MEX3C: variants seen among roughly 807,000 people sequenced by gnomAD.
MEX3C encodes the protein mex-3 RNA binding family member C.
MEX3C carries 15 observed loss-of-function variants against 35.5 expected under a neutral mutation model. The ratio of observed to expected loss-of-function variants is 0.42; its 90% CI spans 0.28 to 0.65. MEX3C has a LOEUF of 0.65. MEX3C is among the 30% of genes least tolerant of loss of function. The pLI is 0.20. For synonymous variants in MEX3C, 390 were observed against 352.8 expected (o/e 1.11, Z -1.18); for missense variants, 711 against 842.8 (o/e 0.84, Z 1.94).
At chr18:51,181,792 T>A (rs1441500394) in intron 1 of MEX3C, among the ~76,000 whole-genome samples, 5 of 152,246 alleles carry the variant, frequency 3.3e-5, no homozygotes, top group Non-Finnish European at 7.3e-5. Context: ...TTTCACTGTA[T>A]ATTCTTATTT....
Position 51,193,510 on chromosome 18 carries a change from T to A in MEX3C, c.754+3057A>T, listed in dbSNP as rs142392518. 46 of 152,334 alleles carry A rather than the reference T, an allele frequency of 3.0e-4. No homozygotes were observed. In the East Asian group the frequency reaches 8.1e-3, roughly 27 times the overall value. The allele number at this position is 152,334 out of a possible 1,614,324, so 9.4% of individuals were successfully genotyped here. ...TTAGACCTGTTAATCACTGTTAATATGTCTTGCAGGTACTATACTTAAAAA... is the reference window on the plus strand; with the variant it reads ...TTAGACCTGTTAATCACTGTTAATAAGTCTTGCAGGTACTATACTTAAAAA... On this transcript the variant is annotated intron_variant, in intron 1 of 1. Coordinates refer to ENST00000406189, the MANE Select transcript of MEX3C (RefSeq NM_016626.5).
chr18:51,181,535 T>C (rs1229682022), intron 1 of MEX3C, among the ~76,000 whole-genome samples: 1 of 152,210 alleles, frequency 6.6e-6, no homozygotes, highest in Admixed American at 6.5e-5. Context: ...AAAAGAACTC[T>C]CATATTTAGC....
At chr18:51,189,229 G>A (rs1912603949) in intron 1 of MEX3C, among the ~76,000 whole-genome samples, 2 of 152,156 alleles carry the variant, frequency 1.3e-5, no homozygotes, top group Admixed American at 6.5e-5. Context: ...GCAAAATTGA[G>A]AAGATTTTGC....
chr18:51,192,900 CTG>C (rs774439220), intron 1 of MEX3C: 7 of 152,146 alleles, frequency 4.6e-5, no homozygotes, highest in African/African-American at 7.2e-5. Context: ...GAAAAAGACA[CTG>C]TGCTGTAGCA....
intron 1 of MEX3C, among the ~76,000 whole-genome samples, chr18:51,182,144 T>C (rs1030114725): frequency 5.3e-5 from 8 of 152,238 alleles, no homozygotes; most frequent in Non-Finnish European, 8.8e-5. Context: ...TATTTTATTA[T>C]TGTTAATCTC....
chr18:51,193,025 T>C (rs992754627), intron 1 of MEX3C: 1 of 152,204 alleles, frequency 6.6e-6, no homozygotes, highest in Non-Finnish European at 1.5e-5. Flanking sequence ...GTATAAACCC[T>C]ATTTCAGTTG....
chr18:51,186,175 G>C (rs994378697), intron 1 of MEX3C, among the ~76,000 whole-genome samples: 10 of 152,138 alleles, frequency 6.6e-5, no homozygotes, highest in African/African-American at 2.4e-4. Context: ...AAAGATGCTA[G>C]TGCTACTTCC....
chr18:51,178,657 GCTGA>G (rs774426174), intron 1 of MEX3C, among the ~76,000 whole-genome samples: 5 of 151,816 alleles, frequency 3.3e-5, no homozygotes, highest in Admixed American at 6.6e-5. Context: ...TCAAGACCAG[GCTGA>G]CTAACATGGT....
In MEX3C at chr18:51,175,869, A is replaced by T. The variant is rs1017789439; in HGVS notation, c.*482T>A. On this transcript the variant is annotated 3_prime_UTR_variant, in exon 2 of 2. Coordinates refer to ENST00000406189, the MANE Select transcript of MEX3C (RefSeq NM_016626.5). ...CTTGCAATCCTGCAGAATTAGGCAT[A>T]TGTTGTTGTAAAATAAAAAACAAAC... 1.3e-5 allele frequency: 2 copies of T among 153,262 alleles called. No individual in the cohort carries two copies. The highest frequency in any genetic ancestry group is 2.4e-5 in the African/African-American group (1 of 41,476). The allele number at this position is 153,262 out of a possible 1,614,324, so 9.5% of individuals were successfully genotyped here.
chr18:51,188,055 C>A (rs534570889), intron 1 of MEX3C, among the ~76,000 whole-genome samples: 1 of 152,264 alleles, frequency 6.6e-6, no homozygotes, highest in South Asian at 2.1e-4. Context: ...GCAATGTATT[C>A]CTAAATGCAT....
intron 1 of MEX3C, chr18:51,195,677 C>T (rs1038925712): frequency 1.3e-5 from 2 of 152,202 alleles, no homozygotes; most frequent in African/African-American, 2.4e-5. Context: ...AACTTAGGAC[C>T]TTCCCTAAAA....
chr18:51,196,343 G>A (rs1373168342), intron 1 of MEX3C: 3 of 1,060,852 alleles, frequency 2.8e-6, no homozygotes, highest in African/African-American at 1.7e-5. Context: ...TGGGTCGCCC[G>A]AGAAACTTCA....
At chr18:51,185,836 G>A (rs1340280186) in intron 1 of MEX3C, among the ~76,000 whole-genome samples, 1 of 151,994 alleles carries the variant, frequency 6.6e-6, no homozygotes, top group Non-Finnish European at 1.5e-5. Context: ...GAGGTGGGAG[G>A]ATTGCTTGAG....
In MEX3C at chr18:51,181,479, T is replaced by C. The variant is rs369054880; in HGVS notation, c.755-3903A>G. On this transcript the variant is annotated intron_variant, in intron 1 of 1. Transcript: ENST00000406189. ...GACCTATTATTTTCTACCTATAAGA[T>C]TGTCAAATAACAAAAACCTTACAAC... Among the ~76,000 whole-genome samples, 279 of 147,016 alleles carry C rather than the reference T, an allele frequency of 1.9e-3. 1 individual carries two copies. Among genetic ancestry groups the C allele is most frequent in the Middle Eastern group, 3.5e-3 (1 of 284 alleles).
At chr18:51,188,430 T>C (rs530369537) in intron 1 of MEX3C, among the ~76,000 whole-genome samples, 22 of 151,920 alleles carry the variant, frequency 1.4e-4, no homozygotes, top group African/African-American at 4.8e-4. Context: ...CTGGGCAACA[T>C]AGTAAAACCC....
chr18:51,176,310 G>T lies in MEX3C; in HGVS notation c.*41C>A, dbSNP rs763314077. 7.3e-6 allele frequency: 11 copies of T among 1,506,708 alleles called. No individual in the cohort carries two copies. Among genetic ancestry groups the T allele is most frequent in the Non-Finnish European group, 9.8e-6 (11 of 1,120,248 alleles). 93.3% of individuals were successfully genotyped at this position (1,506,708 alleles called of 1,614,324 possible). ...GGTACCATTATACCCATGCCTTTAC[G>T]AGTCCATATAGAGATATAGTATTTA... is the stretch of plus-strand genomic sequence containing the variant. On this transcript the variant is annotated 3_prime_UTR_variant, in exon 2 of 2. Transcript: ENST00000406189.
chr18:51,189,552 T>C (rs943032704), intron 1 of MEX3C, among the ~76,000 whole-genome samples: 2 of 152,176 alleles, frequency 1.3e-5, no homozygotes, highest in African/African-American at 4.8e-5. Flanking sequence ...CTAAAACCCC[T>C]CTTTTTTCAC....
chr18:51,178,039 A>C (rs1912341573), intron 1 of MEX3C, among the ~76,000 whole-genome samples: 1 of 152,230 alleles, frequency 6.6e-6, no homozygotes, highest in African/African-American at 2.4e-5. Context: ...TGCATAAACT[A>C]GTGAAACATG....
rs1362511297 is a variant in MEX3C, at chr18:51,196,915, C to T, written c.406G>A (p.Glu136Lys). Residue 136 changes from glutamate (E) to lysine (K), a missense_variant, in exon 1 of 2, where the codon GAG becomes AAG. Coordinates refer to ENST00000406189, the MANE Select transcript of MEX3C (RefSeq NM_016626.5). ...EEEELEEAEE[E>K]DRSSLLLLSP... ...AGCAGCAGCAGCGACGACCGGTCCTCCTCCTCTGCTTCCTCCAGCTCCTCC... is the reference window on the plus strand; with the variant it reads ...AGCAGCAGCAGCGACGACCGGTCCTTCTCCTCTGCTTCCTCCAGCTCCTCC... The T allele has an allele frequency of 6.5e-7, 1 of 1,543,862 alleles. No individual in the cohort carries two copies. The highest frequency in any genetic ancestry group is 8.7e-7 in the Non-Finnish European group (1 of 1,146,060).
Sources: gnomAD v4.1 joint callset for allele counts (sites outside exome capture counted in the v4.1 genomes callset) on GRCh38, gnomAD v4.1.1 for gene constraint, MANE v1.5 for transcripts, NCBI Gene and HGNC (gene_info 2026-07-23, HGNC 2026-07-21) for gene names.